FAM83F: variants seen among roughly 807,000 people sequenced by gnomAD.
FAM83F encodes protein FAM83F.
Under a neutral mutation model 42.9 loss-of-function variants are expected in FAM83F, and 45 were observed. The ratio of observed to expected loss-of-function variants is 1.05; its 90% CI spans 0.83 to 1.35. FAM83F has a LOEUF of 1.35. Among genes scored for constraint, FAM83F ranks in the 40% most tolerant of loss-of-function variants. FAM83F has a pLI of 0.00. For synonymous variants in FAM83F, 306 were observed against 298.3 expected (o/e 1.03, Z -0.27); for missense variants, 617 against 695.9 (o/e 0.89, Z 1.28).
intron 1 of FAM83F, among the ~76,000 whole-genome samples, chr22:39,997,719 A>G (rs1274717651): frequency 1.3e-5 from 2 of 152,176 alleles, no homozygotes; most frequent in Non-Finnish European, 2.9e-5. Flanking sequence ...TGGCAGGTAA[A>G]AAGAGCTGTC....
chr22:40,017,576 C>T (rs896417005), intron 1 of FAM83F, among the ~76,000 whole-genome samples: 1 of 152,214 alleles, frequency 6.6e-6, no homozygotes, highest in Non-Finnish European at 1.5e-5. Flanking sequence ...AGTCCTGGGA[C>T]AACCCTTTGA....
intron 1 of FAM83F, among the ~76,000 whole-genome samples, chr22:40,004,908 A>G (rs2958659): frequency 0.3 from 44,965 of 152,084 alleles, 6,932 homozygotes; most frequent in African/African-American, 0.34. Context: ...GGTGAACAGC[A>G]GCTTCCTGGG....
chr22:40,003,369 C>A (rs1601762428), intron 1 of FAM83F, among the ~76,000 whole-genome samples: 1 of 152,128 alleles, frequency 6.6e-6, no homozygotes, highest in African/African-American at 2.4e-5. Flanking sequence ...ATCTTCTCAC[C>A]CCCAGGGATG....
intron 1 of FAM83F, among the ~76,000 whole-genome samples, chr22:40,011,453 G>A (rs1051647235): frequency 1.1e-4 from 17 of 152,166 alleles, no homozygotes; most frequent in African/African-American, 4.1e-4. Context: ...AAAGGGCTGG[G>A]ATAGTTTATC....
chr22:40,013,547 A>G (rs547919079), intron 1 of FAM83F, among the ~76,000 whole-genome samples: 2 of 152,278 alleles, frequency 1.3e-5, no homozygotes, highest in African/African-American at 4.8e-5. Context: ...TCTTATTGCT[A>G]TGGTGCTGTA....
chr22:40,019,060 G>C, intron 1 of FAM83F, 108 bp from the exon 2 acceptor site: 1 of 1,342,444 alleles, frequency 7.4e-7, no homozygotes, highest in Non-Finnish European at 1.0e-6. Flanking sequence ...TGGAGTTTTT[G>C]ACTCTTGGCC....
At chr22:40,024,823 A>G (rs1037743519) in intron 4 of FAM83F, among the ~76,000 whole-genome samples, 2 of 152,190 alleles carry the variant, frequency 1.3e-5, no homozygotes, top group Non-Finnish European at 2.9e-5. Flanking sequence ...TAAGGAGTAT[A>G]TAGTTGTCAA....
chr22:40,032,971 A>G lies in FAM83F; in HGVS notation c.*3406A>G, dbSNP rs922444872. 1 of 152,220 alleles carries G rather than the reference A, an allele frequency of 6.6e-6. No individual in the cohort carries two copies. Among genetic ancestry groups the G allele is most frequent in the African/African-American group, 2.4e-5 (1 of 41,438 alleles). 9.4% of individuals were successfully genotyped at this position (152,220 alleles called of 1,614,324 possible). On this transcript the variant is annotated 3_prime_UTR_variant, in exon 5 of 5. Transcript: ENST00000333407. The stretch of plus-strand genomic sequence containing the variant: ...TCACCATGCTAGATGCTTTAGTAAC[A>G]TGAAGGTTTCAAACTAAGAAAAGCT...
Position 40,040,297 on chromosome 22 carries a change from G to A in FAM83F, c.*10732G>A, listed in dbSNP as rs2067645682. ...TACTCGTTGGAGTCAGACCGCCTAG[G>A]TTCAACGATGGGTTAGTTAGCCCTT... On this transcript the variant is annotated 3_prime_UTR_variant, in exon 5 of 5. Transcript: ENST00000333407. 6.6e-6 allele frequency: 1 copy of A among 152,152 alleles called. No homozygotes were observed. Among genetic ancestry groups the A allele is most frequent in the African/African-American group, 2.4e-5 (1 of 41,432 alleles). The allele number at this position is 152,152 out of a possible 1,614,324, so 9.4% of individuals were successfully genotyped here.
rs573958791 is a variant in FAM83F, at chr22:40,021,575, G to A, written c.1065G>A (p.Pro355=). 2.9e-5 allele frequency: 45 copies of A among 1,567,876 alleles called. No individual in the cohort carries two copies. The highest frequency in any genetic ancestry group is 1.7e-4 in the Middle Eastern group (1 of 5,838). ...AACAGCGGGAGGCGGGCGGCAACCC[G>A]GAGGGGCAGGAGGAGGGCGCCAGCG... ...ARQQREAGGN[P]EGQEEGASGG... is the part of the protein sequence containing the mutation. The change falls in exon 4 of 5, where the codon CCG becomes CCA. Residue 355 remains proline, a synonymous_variant. Transcript: ENST00000333407. This position sits in a 1 kb window ranked among gnomAD's most constrained non-coding sequence, Gnocchi z 8.7.
At chr22:40,029,082 TG>T in intron 4 of FAM83F, among the ~76,000 whole-genome samples, 1 of 2,156 alleles carries the variant, frequency 4.6e-4, no homozygotes, top group African/African-American at 2.5e-3. Flanking sequence ...TGGCTAGACG[TG>T]TGTGTGTGTG....
rs571505237 is a variant in FAM83F at position 40,029,471 on chromosome 22, C to T, written c.1454-45C>T. On this transcript the variant is annotated intron_variant, in intron 4 of 4. Coordinates refer to ENST00000333407, the MANE Select transcript of FAM83F (RefSeq NM_138435.4). ...AGGAACTGAAGCTGAATCCACCAAG[C>T]GTTTCACTTACATCCTTCCCCGCCT... The T allele has an allele frequency of 1.1e-4, 173 of 1,584,104 alleles. 5 individuals are homozygous for T. The South Asian group carries it at 1.9e-3, about 17-fold the overall frequency.
Position 40,019,160 on chromosome 22 carries a change from C to G in FAM83F, c.490-8C>G. On this transcript the variant is annotated splice_polypyrimidine_tract_variant and splice_region_variant and intron_variant, in intron 1 of 4. Coordinates refer to ENST00000333407, the MANE Select transcript of FAM83F (RefSeq NM_138435.4). ...CCGTGTGCCTCACCAGTGCCTTTCC[C>G]CACCCAGGTCATTGCTGTGGTCATG... 1.2e-6 allele frequency: 2 copies of G among 1,613,352 alleles called. No homozygotes were observed. The highest frequency in any genetic ancestry group is 1.3e-5 in the African/African-American group (1 of 75,016).
At position 40,039,870 on chromosome 22, in the gene FAM83F, A is replaced by G. The variant is rs973216188; in HGVS notation, c.*10305A>G. The stretch of plus-strand genomic sequence containing the variant: ...CTTGGATCTTGGCCACAAAAAGGTT[A>G]TAGATGAGCTTAGAGAAATGAATTT... On this transcript the variant is annotated 3_prime_UTR_variant, in exon 5 of 5. Coordinates refer to ENST00000333407, the MANE Select transcript of FAM83F (RefSeq NM_138435.4). 2 of 152,294 alleles carry G rather than the reference A, an allele frequency of 1.3e-5. No individual in the cohort carries two copies. The highest frequency in any genetic ancestry group is 6.5e-5 in the Admixed American group (1 of 15,292). 9.4% of individuals were successfully genotyped at this position (152,294 alleles called of 1,614,324 possible). A position where few individuals can be genotyped will look rare whatever the true frequency, so the allele number is the denominator to read the frequency against.
chr22:40,014,089 G>A (rs1160168738), intron 1 of FAM83F, among the ~76,000 whole-genome samples: 1 of 144,844 alleles, frequency 6.9e-6, no homozygotes, highest in Non-Finnish European at 1.5e-5. Flanking sequence ...TTAAATACTG[G>A]TAGTTTTGTC....
At chr22:40,027,954 G>A (rs1260155919) in intron 4 of FAM83F, among the ~76,000 whole-genome samples, 4 of 152,204 alleles carry the variant, frequency 2.6e-5, no homozygotes, top group Admixed American at 1.3e-4. Context: ...CTGCCTCTGG[G>A]GAGGAACTGA....
chr22:40,013,506 C>G (rs2067478086), intron 1 of FAM83F, among the ~76,000 whole-genome samples: 1 of 152,146 alleles, frequency 6.6e-6, no homozygotes. Context: ...TGGTCAGTTC[C>G]TTCCTACTTA....
At position 40,021,582 on chromosome 22, in the gene FAM83F, C is replaced by G. The variant is rs1601770970; in HGVS notation, c.1072C>G (p.Gln358Glu). 1.9e-6 allele frequency: 3 copies of G among 1,573,160 alleles called. No homozygotes were observed. Among genetic ancestry groups the G allele is most frequent in the Non-Finnish European group, 2.6e-6 (3 of 1,154,540 alleles). The change falls in exon 4 of 5, where the codon CAG becomes GAG. Residue 358 changes from glutamine (Q) to glutamate (E), a missense_variant. Transcript: ENST00000333407. The surrounding 1 kb of genome is among the most constrained non-coding windows in gnomAD (Gnocchi z 8.7). The part of the protein sequence containing the change: ...QREAGGNPEG[Q>E]EEGASGGESA... ...GGAGGCGGGCGGCAACCCGGAGGGG[C>G]AGGAGGAGGGCGCCAGCGGTGGCGA...
In FAM83F at chr22:40,029,907, TG is replaced by T. The variant is rs2067577109; in HGVS notation, c.*346del. On this transcript the variant is annotated 3_prime_UTR_variant, in exon 5 of 5. Transcript: ENST00000333407. The stretch of plus-strand genomic sequence containing the variant: ...TGAGGGCCCATTCTTTAAACCTTTA[TG>T]GGGTGGGGTGTCTGGGGCAGCTGCA... 4.7e-6 allele frequency: 1 copy of T among 211,350 alleles called. No homozygotes were observed. The highest frequency in any genetic ancestry group is 2.3e-5 in the African/African-American group (1 of 43,674). 13.1% of individuals were successfully genotyped at this position (211,350 alleles called of 1,614,324 possible). A position where few individuals can be genotyped will look rare whatever the true frequency, so the allele number is the denominator to read the frequency against.
Sources: allele counts gnomAD v4.1 joint callset (sites outside exome capture counted in the v4.1 genomes callset), GRCh38; gene constraint gnomAD v4.1.1; non-coding constraint Gnocchi (gnomAD v3.1); transcripts MANE v1.5; gene names NCBI Gene and HGNC (gene_info 2026-07-23, HGNC 2026-07-21).